SCAF11: variants seen among roughly 807,000 people sequenced by gnomAD.
SCAF11 encodes the protein protein SCAF11.
SCAF11 carries 47 observed loss-of-function variants against 140.5 expected under a neutral mutation model. That is an observed-to-expected ratio of 0.33 (90% CI 0.26 to 0.43). The LOEUF is 0.43. Among genes scored for constraint, SCAF11 ranks in the 20% least tolerant of loss-of-function variants. The probability of loss-of-function intolerance (pLI) is 1.00; values close to 1 mark genes in which losing one functional copy is unlikely to be tolerated. For missense variants in SCAF11, 1,645 were observed against 1,705.1 expected, an observed-to-expected ratio of 0.96 and a Z score of 0.62; for synonymous variants, 557 against 579.4, an observed-to-expected ratio of 0.96 and a Z score of 0.55.
At chr12:45,937,931 A>C (rs1945207362) in intron 6 of SCAF11, among the ~76,000 whole-genome samples, 1 of 152,088 alleles carries the variant, frequency 6.6e-6, no homozygotes, top group Admixed American at 6.5e-5. Flanking sequence ...ATTTTTAACC[A>C]ATTCTGTTTT....
chr12:45,977,967 A>G (rs1262589287), intron 1 of SCAF11, among the ~76,000 whole-genome samples: 2 of 152,188 alleles, frequency 1.3e-5, no homozygotes, highest in Non-Finnish European at 2.9e-5. Context: ...GTGATCACCA[A>G]AAGAAGACAT....
At position 45,928,590 on chromosome 12, in the gene SCAF11, C is replaced by G. The variant is rs142844694; in HGVS notation, c.1111G>C (p.Ala371Pro). The G allele has an allele frequency of 3.7e-6, 6 of 1,613,908 alleles. No individual in the cohort carries two copies. Among genetic ancestry groups the G allele is most frequent in the African/African-American group, 1.3e-5 (1 of 74,892 alleles). Residue 371 changes from alanine (A) to proline (P), a missense_variant, in exon 11 of 15, where the codon GCT (alanine) becomes CCT (proline). By Grantham distance (27) the Ala-to-Pro change is conservative. Coordinates refer to ENST00000369367, the MANE Select transcript of SCAF11 (RefSeq NM_004719.3). ...CTTCTTACAGACTTCCGTTTTGGAG[C>G]CTGTCTTGTTTGCTTTTCTGACTCA... is the stretch of plus-strand genomic sequence containing the variant. ...SAESEKQTRQ[A>P]PKRKSVRRGR...
At chr12:45,954,928 A>T (rs775509217) in intron 3 of SCAF11, 2 of 126,926 alleles carry the variant, frequency 1.6e-5, no homozygotes, top group Admixed American at 7.9e-5. Context: ...GTTCTGAGTA[A>T]GATTCCCCCC....
chr12:45,935,076 C>A (rs908689278), intron 6 of SCAF11: 1 of 152,234 alleles, frequency 6.6e-6, no homozygotes, highest in South Asian at 2.1e-4. Flanking sequence ...TCTGTTACAA[C>A]GTTGGTGGCT....
chr12:45,948,762 T>G (rs1401147862), intron 4 of SCAF11, among the ~76,000 whole-genome samples: 1 of 152,154 alleles, frequency 6.6e-6, no homozygotes, highest in East Asian at 1.9e-4. Flanking sequence ...ACAGATTAAG[T>G]GCTTATAACA....
upstream of SCAF11, chr12:45,991,757 G>A: frequency 3.6e-6 from 2 of 549,398 alleles, no homozygotes; most frequent in South Asian, 5.4e-5. Flanking sequence ...ACTGCAGCAA[G>A]CTTCCGGTTG....
intron 3 of SCAF11, among the ~76,000 whole-genome samples, chr12:45,952,121 T>C (rs1233898209): frequency 6.6e-6 from 1 of 151,952 alleles, no homozygotes; most frequent in Non-Finnish European, 1.5e-5. Context: ...CTTAATATTT[T>C]CCCCCCAAAT....
At chr12:45,967,744 C>T (rs1279264290) in intron 1 of SCAF11, among the ~76,000 whole-genome samples, 5 of 152,178 alleles carry the variant, frequency 3.3e-5, no homozygotes, top group African/African-American at 1.2e-4. Flanking sequence ...TGTTTTTATA[C>T]CTGAAAATGA....
chr12:45,983,764 C>CACACACAA (rs1173287782), intron 1 of SCAF11, among the ~76,000 whole-genome samples: 1 of 151,396 alleles, frequency 6.6e-6, no homozygotes, highest in Non-Finnish European at 1.5e-5. Flanking sequence ...CACACACACA[C>CACACACAA]ACACACACAC....
intron 1 of SCAF11, among the ~76,000 whole-genome samples, chr12:45,968,193 ATTTTC>A (rs1945995302): frequency 6.6e-6 from 1 of 152,060 alleles, no homozygotes; most frequent in African/African-American, 2.4e-5. Context: ...GTCAAATTGT[ATTTTC>A]TTTTATTGGT....
Position 45,948,485 on chromosome 12 carries a change from G to T in SCAF11, c.350C>A (p.Ser117Ter). 6.2e-7 allele frequency: 1 copy of T among 1,611,840 alleles called. No individual in the cohort carries two copies. Among genetic ancestry groups the T allele is most frequent in the South Asian group, 1.1e-5 (1 of 90,790 alleles). ...RETKDKKNEN[S>*]FEKQVSCHEN... is the part of the protein sequence containing the mutation. ...ATGACAGGAGACCTGTTTCTCAAAT[G>T]AGTTTTCATTTTTCTTGTCTTTTGT... Residue 117 changes from serine (S) to a stop codon, truncating the protein, a stop_gained, in exon 5 of 15, where the codon TCA becomes TAA. Coordinates refer to ENST00000369367, the MANE Select transcript of SCAF11 (RefSeq NM_004719.3). LOFTEE classifies it high-confidence loss of function.
In SCAF11 at chr12:45,922,198, A is replaced by C. The variant is rs1361363068; in HGVS notation, c.4246-4T>G. 1.9e-6 allele frequency: 3 copies of C among 1,596,146 alleles called. No individual in the cohort carries two copies. In the East Asian group the frequency reaches 6.7e-5, roughly 36 times the overall value. Reference sequence around the variant, plus strand: ...CTCCACTCTTACTATGACAAACCTAAGAAAAAAGGGGTGGGGGGTAAACTT... The same window carrying C: ...CTCCACTCTTACTATGACAAACCTACGAAAAAAGGGGTGGGGGGTAAACTT... On this transcript the variant is annotated splice_polypyrimidine_tract_variant and splice_region_variant and intron_variant, in intron 14 of 14. Coordinates refer to ENST00000369367, the MANE Select transcript of SCAF11 (RefSeq NM_004719.3).
rs200576932 is a variant in SCAF11 at position 45,984,157 on chromosome 12, AG to A, written c.-22+6195del. Reference sequence around the variant, plus strand: ...TAAGATTCTTTTTACCTTAATAAAAAGAAAAAGGGATTACTTCTTTTTAGAC... The same window carrying A: ...TAAGATTCTTTTTACCTTAATAAAAAAAAAAGGGATTACTTCTTTTTAGAC... On this transcript the variant is annotated intron_variant, in intron 1 of 14. Coordinates refer to ENST00000369367, the MANE Select transcript of SCAF11 (RefSeq NM_004719.3). Among the ~76,000 whole-genome samples the A allele has an allele frequency of 2.5e-3, 374 of 151,608 alleles. 3 individuals are homozygous for A. The highest frequency in any genetic ancestry group is 0.024 in the Middle Eastern group (7 of 292).
intron 11 of SCAF11, among the ~76,000 whole-genome samples, chr12:45,925,334 C>T (rs1385015197): frequency 6.6e-6 from 1 of 152,156 alleles, no homozygotes; most frequent in Non-Finnish European, 1.5e-5. Context: ...GGGCAGATCA[C>T]CTGAGGTCAG....
rs978465210 is a variant in SCAF11 at position 45,924,120 on chromosome 12, C to T, written c.3906+608G>A. ...CCTCACAAGGTGCTGGGATAACAGGCGTGAGCCACCATGCCCGGCCTAGGA... is the reference window on the plus strand; with the variant it reads ...CCTCACAAGGTGCTGGGATAACAGGTGTGAGCCACCATGCCCGGCCTAGGA... On this transcript the variant is annotated intron_variant, in intron 12 of 14. Coordinates refer to ENST00000369367, the MANE Select transcript of SCAF11 (RefSeq NM_004719.3). 3.9e-5 allele frequency among the ~76,000 whole-genome samples: 6 copies of T among 152,152 alleles called. No individual in the cohort carries two copies. The East Asian group carries it at 5.8e-4, about 15-fold the overall frequency.
intron 13 of SCAF11, 93 bp downstream of exon 13, chr12:45,922,843 A>C (rs1944746776): frequency 9.3e-6 from 11 of 1,185,910 alleles, no homozygotes; most frequent in Admixed American, 9.1e-5. Flanking sequence ...GCCAATAAGA[A>C]ATTCCCTTCA....
At chr12:45,939,653 G>A (rs2136543131) in intron 6 of SCAF11, among the ~76,000 whole-genome samples, 1 of 152,216 alleles carries the variant, frequency 6.6e-6, no homozygotes, top group South Asian at 2.1e-4. Context: ...AGCCGAGATC[G>A]TGCCATTGAG....
At chr12:45,974,623 ATT>A in intron 1 of SCAF11, 1 of 186,526 alleles carries the variant, frequency 5.4e-6, no homozygotes, top group Non-Finnish European at 1.1e-5. Context: ...AATTGCAGCA[ATT>A]CAGTCATGTC....
At chr12:45,956,304 A>G (rs1302301163) in intron 3 of SCAF11, 2 of 626,290 alleles carry the variant, frequency 3.2e-6, no homozygotes, top group African/African-American at 3.7e-5. Flanking sequence ...CTATCTCTCT[A>G]CTAACAAAAT....
Sources: allele counts gnomAD v4.1 joint callset (sites outside exome capture counted in the v4.1 genomes callset), GRCh38; gene constraint gnomAD v4.1.1; transcripts MANE v1.5; gene names NCBI Gene and HGNC (gene_info 2026-07-23, HGNC 2026-07-21).